Variants in SRM observed in about 807,000 individuals in gnomAD.
The protein encoded by SRM is putrescine aminopropyltransferase.
In SRM, 14 loss-of-function variants were observed where a neutral mutation model predicts 39.3. That is an observed-to-expected ratio of 0.36 (90% CI 0.24 to 0.56). The LOEUF (loss-of-function observed/expected upper bound fraction) is 0.56, where lower values mean the gene tolerates loss of function less well. SRM is among the 20% of genes least tolerant of loss of function. SRM has a pLI of 0.86. For synonymous variants in SRM, 195 were observed against 173.1 expected, an observed-to-expected ratio of 1.13 and a Z score of -0.99; for missense variants, 244 against 409.2, an observed-to-expected ratio of 0.60 and a Z score of 3.48.
chr1:11,056,198 G>A, intron 4 of SRM, 104 bp from the exon 5 acceptor site: 1 of 1,055,732 alleles, frequency 9.5e-7, no homozygotes, highest in Non-Finnish European at 1.4e-6. Context: ...TCTGAACCCA[G>A]GTCTGTGGGG....
At chr1:11,057,552 G>C (rs562239637) in intron 3 of SRM, among the ~76,000 whole-genome samples, 311 of 145,630 alleles carry the variant, frequency 2.1e-3, no homozygotes, top group African/African-American at 7.4e-3. Context: ...TGAGCCACCA[G>C]CGCTTGGCCT....
chr1:11,057,011 T>C (rs1033959793), intron 3 of SRM, among the ~76,000 whole-genome samples: 2 of 151,630 alleles, frequency 1.3e-5, no homozygotes, highest in Non-Finnish European at 2.9e-5. Flanking sequence ...CCTGAGTAGC[T>C]GGGACAAGTG....
In SRM at chr1:11,056,002, G is replaced by A; in HGVS notation, c.619+9C>T. ...CGCCCCGCCCCAGTGCTCCAGGCCT[G>A]TGGCTCACCCTGGCAGCAGAGGACA... On this transcript the variant is annotated intron_variant, in intron 5 of 7. Coordinates refer to ENST00000376957, the MANE Select transcript of SRM (RefSeq NM_003132.3). 1 of 1,609,230 alleles carries A rather than the reference G, an allele frequency of 6.2e-7. No individual in the cohort carries two copies. Among genetic ancestry groups the A allele is most frequent in the Non-Finnish European group, 8.5e-7 (1 of 1,177,484 alleles).
chr1:11,059,706 G>A (rs1339037510), intron 1 of SRM, 71 bp downstream of exon 1: 1 of 1,480,646 alleles, frequency 6.8e-7, no homozygotes, highest in East Asian at 2.5e-5. Flanking sequence ...GGCGTGGAGA[G>A]GCCCGTGAGG....
intron 4 of SRM, 96 bp downstream of exon 4, chr1:11,056,508 T>G: frequency 6.9e-7 from 1 of 1,444,362 alleles, no homozygotes; most frequent in Admixed American, 2.0e-5. Context: ...GTTCGGGGGG[T>G]GGGAGGCCGC....
intron 3 of SRM, 36 bp from the exon 4 acceptor site, chr1:11,056,793 G>A: frequency 6.2e-7 from 1 of 1,612,132 alleles, no homozygotes; most frequent in Non-Finnish European, 8.5e-7. Flanking sequence ...TGGGCCAAGG[G>A]GCTGGGGGAC....
chr1:11,059,507 G>A, intron 1 of SRM, 162 bp from the exon 2 acceptor site: 1 of 1,287,462 alleles, frequency 7.8e-7, no homozygotes, highest in Non-Finnish European at 1.1e-6. Context: ...CCGCCGGGTG[G>A]AGGCCGGGGT....
At chr1:11,056,838 T>A (rs1638887400) in intron 3 of SRM, 81 bp from the exon 4 acceptor site, 6 of 1,504,856 alleles carry the variant, frequency 4.0e-6, no homozygotes, top group Non-Finnish European at 3.6e-6. Context: ...ACTCTCCAAG[T>A]GCCTCACAGG....
At chr1:11,055,479 A>G (rs1290348279) in intron 6 of SRM, among the ~76,000 whole-genome samples, 2 of 150,768 alleles carry the variant, frequency 1.3e-5, no homozygotes, top group African/African-American at 2.4e-5. Context: ...TAGTGGCGCA[A>G]TCTCGGCTCA....
At position 11,056,064 on chromosome 1, in the gene SRM, T is replaced by C; in HGVS notation, c.566A>G (p.Tyr189Cys). Residue 189 changes from tyrosine (Y) to cysteine (C), a missense_variant, in exon 5 of 8, where the codon TAT becomes TGT. Transcript: ENST00000376957. ...GAGGGCTGTCTTCATGAGCTGGTAA[T>C]AGGACTCCTTGAAGAGACTTTCGGC... ...GPAESLFKES[Y>C]YQLMKTALKE... 1 of 1,609,334 alleles carries C rather than the reference T, an allele frequency of 6.2e-7. No homozygotes were observed. The highest frequency in any genetic ancestry group is 8.5e-7 in the Non-Finnish European group (1 of 1,177,304).
At chr1:11,055,325 T>C (rs1570765778) in intron 6 of SRM, 3 of 489,752 alleles carry the variant, frequency 6.1e-6, no homozygotes, top group Non-Finnish European at 1.0e-5. Flanking sequence ...GTCAGGCTGG[T>C]CTTGTACTCC....
At chr1:11,058,920 G>A in intron 2 of SRM, 28 bp from the exon 3 acceptor site, 1 of 1,577,522 alleles carries the variant, frequency 6.3e-7, no homozygotes, top group Non-Finnish European at 8.6e-7. Context: ...TCAAGGCAGG[G>A]GCCCTGGCAG....
chr1:11,055,752 A>ACCCCCCCCCCC, intron 6 of SRM, 29 bp downstream of exon 6: 1 of 1,466,018 alleles, frequency 6.8e-7, no homozygotes, highest in Non-Finnish European at 9.3e-7. Flanking sequence ...CTTCCCCCCA[A>ACCCCCCCCCCC]CCCCCACCCC....
chr1:11,055,067 C>T lies in SRM; in HGVS notation c.783G>A (p.Glu261=). 6.2e-7 allele frequency: 1 copy of T among 1,610,702 alleles called. No homozygotes were observed. Among genetic ancestry groups the T allele is most frequent in the Non-Finnish European group, 8.5e-7 (1 of 1,178,844 alleles). Residue 261 remains glutamate (E), a synonymous_variant, in exon 7 of 8, where the codon GAG becomes GAA. Transcript: ENST00000376957. ...CSKNPSTNFQ[E]PVQPLTQQQV... ...GCTGCTGTGTCAGCGGCTGCACCGG[C>T]TCCTGGAAGTTCGTGCTCTGGGGAC...
Position 11,059,912 on chromosome 1 carries a change from G to C in SRM, c.32C>G (p.Ser11Cys), listed in dbSNP as rs779279835. 1.5e-6 allele frequency: 2 copies of C among 1,378,488 alleles called. No individual in the cohort carries two copies. The highest frequency in any genetic ancestry group is 1.9e-6 in the Non-Finnish European group (2 of 1,064,206). The allele number at this position is 1,378,488 out of a possible 1,614,324, so 85.4% of individuals were successfully genotyped here. Residue 11 changes from serine (S) to cysteine (C), a missense_variant, in exon 1 of 8, where the codon TCC (serine) becomes TGC (cysteine). By Grantham distance (112) the Ser-to-Cys change is moderately radical (BLOSUM62 -1). Coordinates refer to ENST00000376957, the MANE Select transcript of SRM (RefSeq NM_003132.3). MEPGPDGPAA[S>C]GPAAIREGWF... ...GCCCTCGCGGATGGCGGCGGGGCCG[G>C]AGGCGGCGGGGCCGTCGGGGCCGGG...
intron 2 of SRM, 148 bp downstream of exon 2, chr1:11,059,077 C>T: frequency 1.4e-6 from 2 of 1,434,864 alleles, no homozygotes; most frequent in Non-Finnish European, 9.5e-7. Flanking sequence ...TCCGAGGCCG[C>T]GTCAGTGTCG....
chr1:11,055,004 G>A lies in SRM; in HGVS notation c.846C>T (p.Asp282=), dbSNP rs11540046. The part of the protein sequence containing the change: ...AQMQLKYYNS[D]VHRAAFVLPE... Reference sequence around the variant, plus strand: ...GCAGCACAAAGGCGGCGCGGTGCACGTCGGAGTTGTAGTACTTCAGCTGCA... The same window carrying A: ...GCAGCACAAAGGCGGCGCGGTGCACATCGGAGTTGTAGTACTTCAGCTGCA... The change falls in exon 7 of 8, where the codon GAC becomes GAT. Residue 282 remains aspartate, a synonymous_variant. Transcript: ENST00000376957. 12,101 of 1,612,712 alleles carry A rather than the reference G, an allele frequency of 7.5e-3. 427 individuals carry two copies. Among genetic ancestry groups the A allele is most frequent in the Admixed American group, 0.064 (3,848 of 59,992 alleles).
rs1638875441 is a variant in SRM, at chr1:11,056,150, C to T, written c.536-56G>A. On this transcript the variant is annotated intron_variant, in intron 4 of 7. Coordinates refer to ENST00000376957, the MANE Select transcript of SRM (RefSeq NM_003132.3). ...AGTCTGGCTGTGACCTCCAGGGCCA[C>T]TGTCACCCACACAGCTACCAGGTGG... 10 of 1,479,236 alleles carry T rather than the reference C, an allele frequency of 6.8e-6. No individual in the cohort carries two copies. The South Asian group carries it at 1.3e-4, about 20-fold the overall frequency. 91.6% of individuals were successfully genotyped at this position (1,479,236 alleles called of 1,614,324 possible).
At chr1:11,055,745 C>T in intron 6 of SRM, 36 bp downstream of exon 6, 1 of 1,439,350 alleles carries the variant, frequency 6.9e-7, no homozygotes, top group Non-Finnish European at 9.4e-7. Flanking sequence ...TGCCCACCTT[C>T]CCCCCAACCC....
Sources: allele counts gnomAD v4.1 joint callset (sites outside exome capture counted in the v4.1 genomes callset), GRCh38; gene constraint gnomAD v4.1.1; transcripts MANE v1.5; gene names NCBI Gene and HGNC (gene_info 2026-07-23, HGNC 2026-07-21).